The following STK38L variants were observed in gnomAD, a reference collection of about 807,000 sequenced individuals.
The protein encoded by STK38L is serine/threonine-protein kinase 38-like.
In STK38L, 28 loss-of-function variants were observed where a neutral mutation model predicts 59.7. That is an observed-to-expected ratio of 0.47 (90% CI 0.35 to 0.64). The LOEUF is 0.64. Among genes scored for constraint, STK38L ranks in the 30% least tolerant of loss-of-function variants. STK38L has a pLI of 0.01. For missense variants in STK38L, 314 were observed against 555.8 expected (o/e 0.56, Z 4.37); for synonymous variants, 162 against 176.8 (o/e 0.92, Z 0.66).
At chr12:27,275,023 A>G (rs11048959) in intron 1 of STK38L, among the ~76,000 whole-genome samples, 59,381 of 151,864 alleles carry the variant, frequency 0.39, 11,891 homozygotes, top group Admixed American at 0.48. Context: ...TCCTGCCCCA[A>G]CAATCTAAAT....
chr12:27,293,779 T>C (rs533120207), intron 1 of STK38L: 44 of 152,376 alleles, frequency 2.9e-4, no homozygotes, highest in African/African-American at 1.0e-3. Flanking sequence ...TTTGTGCTTT[T>C]TTCAAGAGGC....
chr12:27,305,776 T>C (rs959922541), intron 3 of STK38L, among the ~76,000 whole-genome samples: 2 of 152,134 alleles, frequency 1.3e-5, no homozygotes, highest in Admixed American at 6.5e-5. Context: ...CCATCCAACA[T>C]GGAATGTTAT....
At chr12:27,272,375 G>GTA (rs1555133342) in intron 1 of STK38L, among the ~76,000 whole-genome samples, 1 of 152,208 alleles carries the variant, frequency 6.6e-6, no homozygotes, top group East Asian at 1.9e-4. Flanking sequence ...GCTAGGGTGT[G>GTA]TATATTAGTG....
Position 27,308,374 on chromosome 12 carries a change from AAC to A in STK38L, c.224_225del (p.Thr75ArgfsTer14). On this transcript the variant is annotated frameshift_variant, in exon 4 of 14. Transcript: ENST00000389032. LOFTEE classifies it high-confidence loss of function. The surrounding 1 kb of genome is among the most constrained non-coding windows in gnomAD (Gnocchi z 4.5). ...LRRSQHARKE[T>X]EFLRLKRTRL... ...GTCGATCACAACACGCTCGCAAAGA[AAC>A]AGAGTTCTTACGGCTCAAAAGGACC... 6.3e-7 allele frequency: 1 copy of A among 1,597,648 alleles called. No homozygotes were observed. Among genetic ancestry groups the A allele is most frequent in the Non-Finnish European group, 8.5e-7 (1 of 1,170,722 alleles).
chr12:27,297,088 C>T (rs1160168295), intron 1 of STK38L: 1 of 152,290 alleles, frequency 6.6e-6, no homozygotes, highest in Non-Finnish European at 1.5e-5. Flanking sequence ...GTGTACTATA[C>T]CTTGTTATAG....
chr12:27,259,002 G>A (rs1202176948), intron 1 of STK38L, among the ~76,000 whole-genome samples: 1 of 152,176 alleles, frequency 6.6e-6, no homozygotes, highest in Non-Finnish European at 1.5e-5. Context: ...AGTGGAGCTT[G>A]TTAAATACCT....
chr12:27,244,900 C>G (rs1261390567), intron 1 of STK38L, among the ~76,000 whole-genome samples: 1 of 152,208 alleles, frequency 6.6e-6, no homozygotes, highest in Non-Finnish European at 1.5e-5. Flanking sequence ...CCATTGCACC[C>G]GTAGCCCCTT....
chr12:27,297,751 T>C lies in STK38L; in HGVS notation c.31T>C (p.Phe11Leu), dbSNP rs1417616236. Residue 11 changes from phenylalanine to leucine, a missense_variant, in exon 2 of 14, where the codon TTT (phenylalanine) becomes CTT (leucine). By Grantham distance (22) the Phe-to-Leu change is conservative. Transcript: ENST00000389032. Reference sequence around the variant, plus strand: ...AATGACGGCAGGGACTACAACAACCTTTCCTATGAGCAACCATACCCGGGA... The same window carrying C: ...AATGACGGCAGGGACTACAACAACCCTTCCTATGAGCAACCATACCCGGGA... MAMTAGTTTT[F>L]PMSNHTRERV... The C allele has an allele frequency of 6.2e-7, 1 of 1,613,994 alleles. No individual in the cohort carries two copies. The highest frequency in any genetic ancestry group is 8.5e-7 in the Non-Finnish European group (1 of 1,179,988).
rs369355433 is a variant in STK38L, at chr12:27,273,514, C to T, written c.-11-24196C>T. On this transcript the variant is annotated intron_variant, in intron 1 of 13. Transcript: ENST00000389032. ...GTTAGGGCTAATGTGAGGATCAAAA[C>T]CAAATGAGATAATGTATATAAAGTA... Among the ~76,000 whole-genome samples the T allele has an allele frequency of 2.7e-4, 41 of 152,212 alleles. No homozygotes were observed. The East Asian group carries it at 4.0e-3, about 15-fold the overall frequency.
At chr12:27,250,892 A>C (rs182736920) in intron 1 of STK38L, among the ~76,000 whole-genome samples, 2 of 151,334 alleles carry the variant, frequency 1.3e-5, no homozygotes, top group Non-Finnish European at 2.9e-5. Flanking sequence ...CCAGCTGCTC[A>C]GGAGGCTGAG....
intron 1 of STK38L, among the ~76,000 whole-genome samples, chr12:27,265,326 CATG>C (rs1943281059): frequency 6.6e-6 from 1 of 152,098 alleles, no homozygotes; most frequent in South Asian, 2.1e-4. Context: ...CTTTTTCCAT[CATG>C]ATAATTTTCC....
chr12:27,308,271 A>C lies in STK38L; in HGVS notation c.187-68A>C. ...TTTATTTTTACGTGTATCATCTTTT[A>C]ATACTAGAAGCTCCATCAAAACAAC... is the stretch of plus-strand genomic sequence containing the variant. On this transcript the variant is annotated intron_variant, in intron 3 of 13. Coordinates refer to ENST00000389032, the MANE Select transcript of STK38L (RefSeq NM_015000.4). This position sits in a 1 kb window ranked among gnomAD's most constrained non-coding sequence, Gnocchi z 4.5. 1 of 1,364,870 alleles carries C rather than the reference A, an allele frequency of 7.3e-7. No homozygotes were observed. The highest frequency in any genetic ancestry group is 9.7e-7 in the Non-Finnish European group (1 of 1,030,396). 84.5% of individuals were successfully genotyped at this position (1,364,870 alleles called of 1,614,324 possible).
intron 1 of STK38L, among the ~76,000 whole-genome samples, chr12:27,255,485 A>G (rs1004463005): frequency 5.9e-5 from 9 of 152,250 alleles, no homozygotes; most frequent in Non-Finnish European, 1.3e-4. Flanking sequence ...CTCAGATTGT[A>G]AGAAATACTG....
chr12:27,306,288 C>G (rs986288839), intron 3 of STK38L, among the ~76,000 whole-genome samples: 6 of 152,166 alleles, frequency 3.9e-5, no homozygotes, highest in East Asian at 1.9e-4. Context: ...TCCAACTGTA[C>G]TGTTTTATAA....
chr12:27,258,440 T>C (rs1164300395), intron 1 of STK38L, among the ~76,000 whole-genome samples: 3 of 152,148 alleles, frequency 2.0e-5, no homozygotes, highest in African/African-American at 7.2e-5. Flanking sequence ...GTGATTCTCC[T>C]GTCTCAGCCT....
intron 1 of STK38L, among the ~76,000 whole-genome samples, chr12:27,288,780 T>C (rs1448954221): frequency 6.6e-6 from 1 of 152,096 alleles, no homozygotes; most frequent in Non-Finnish European, 1.5e-5. Context: ...TATTTCCTCC[T>C]TTACAAATAA....
chr12:27,315,173 G>C (rs1006688867), intron 8 of STK38L, 56 bp downstream of exon 8: 1 of 1,575,558 alleles, frequency 6.3e-7, no homozygotes, highest in Admixed American at 1.7e-5. Context: ...GTAGAGAACA[G>C]AAGGTTCTTT....
intron 5 of STK38L, among the ~76,000 whole-genome samples, chr12:27,309,840 A>G (rs947887686): frequency 1.3e-5 from 2 of 152,210 alleles, no homozygotes; most frequent in Non-Finnish European, 2.9e-5. Context: ...GTCACATATC[A>G]GATAATCAAA....
chr12:27,284,386 A>G (rs1194437698), intron 1 of STK38L, among the ~76,000 whole-genome samples: 1 of 152,180 alleles, frequency 6.6e-6, no homozygotes, highest in Admixed American at 6.5e-5. Context: ...AATGAGGGAG[A>G]TGGACTAGAT....
Sources: gnomAD v4.1 joint callset for allele counts (sites outside exome capture counted in the v4.1 genomes callset) on GRCh38, gnomAD v4.1.1 for gene constraint, Gnocchi (gnomAD v3.1) non-coding constraint, MANE v1.5 for transcripts, NCBI Gene and HGNC (gene_info 2026-07-23, HGNC 2026-07-21) for gene names.